Variants in PTPRD observed in about 807,000 individuals in gnomAD.
The protein encoded by PTPRD is receptor-type tyrosine-protein phosphatase delta.
A neutral mutation model predicts 214.5 loss-of-function variants in PTPRD; 34 were observed. The ratio of observed to expected loss-of-function variants is 0.16; its 90% CI spans 0.12 to 0.21. The LOEUF (loss-of-function observed/expected upper bound fraction) is 0.21. PTPRD is among the 10% of genes least tolerant of loss of function. PTPRD has a pLI of 1.00. For synonymous variants in PTPRD, 1,128 were observed against 845.7 expected (o/e 1.33, Z -5.79); for missense variants, 2,545 against 2,398.7 (o/e 1.06, Z -1.27).
chr9:10,157,533 A>T (rs141284677), intron 3 of PTPRD, among the ~76,000 whole-genome samples: 1,614 of 152,236 alleles, frequency 0.011, 27 homozygotes, highest in African/African-American at 0.036. Context: ...TTTGTAGGTA[A>T]CTGGACCTTT....
chr9:10,499,415 T>G (rs906028975), intron 2 of PTPRD, among the ~76,000 whole-genome samples: 3 of 151,936 alleles, frequency 2.0e-5, no homozygotes, highest in Admixed American at 6.6e-5. Context: ...ACCATCTTTT[T>G]TGTATCTGCC....
rs929887732 is a variant in PTPRD at position 10,166,148 on chromosome 9, C to T, written c.-544-132358G>A. Among the ~76,000 whole-genome samples, 7 of 148,032 alleles carry T rather than the reference C, an allele frequency of 4.7e-5. No individual in the cohort carries two copies. In the East Asian group the frequency reaches 9.9e-4, roughly 21 times the overall value. ...ATACATAAACCTATGTTTTAAAATACGTATCCATAATATACATCTCTAATA... is the reference window on the plus strand; with the variant it reads ...ATACATAAACCTATGTTTTAAAATATGTATCCATAATATACATCTCTAATA... On this transcript the variant is annotated intron_variant, in intron 3 of 45. Transcript: ENST00000381196.
intron 9 of PTPRD, among the ~76,000 whole-genome samples, chr9:9,367,165 C>T (rs1215495612): frequency 6.6e-6 from 1 of 151,226 alleles, no homozygotes; most frequent in Non-Finnish European, 1.5e-5. Context: ...CATATTTATG[C>T]TAAAATTTAT....
intron 39 of PTPRD, among the ~76,000 whole-genome samples, chr9:8,370,784 T>C (rs1407935600): frequency 1.3e-5 from 2 of 151,896 alleles, no homozygotes; most frequent in East Asian, 3.9e-4. Context: ...GGACCTAAAG[T>C]CTGGAGAATC....
At chr9:8,641,205 T>C (rs1195518886) in intron 12 of PTPRD, among the ~76,000 whole-genome samples, 2 of 148,374 alleles carry the variant, frequency 1.3e-5, no homozygotes, top group East Asian at 3.9e-4. Context: ...AAAACAAGGG[T>C]ATCTACTAAA....
At chr9:9,216,013 CT>C (rs889684166) in intron 9 of PTPRD, among the ~76,000 whole-genome samples, 4 of 152,124 alleles carry the variant, frequency 2.6e-5, no homozygotes, top group African/African-American at 9.7e-5. Flanking sequence ...ATTGGCAGTA[CT>C]TGCTGTGTGG....
intron 12 of PTPRD, among the ~76,000 whole-genome samples, chr9:8,650,019 G>A (rs950262123): frequency 6.6e-6 from 1 of 152,100 alleles, no homozygotes; most frequent in Admixed American, 6.5e-5. Flanking sequence ...CTGGGCTCAA[G>A]CCATCCTCCC....
chr9:10,075,077 A>T (rs2098111670), intron 3 of PTPRD, among the ~76,000 whole-genome samples: 1 of 152,122 alleles, frequency 6.6e-6, no homozygotes, highest in South Asian at 2.1e-4. Context: ...TAAGTTATTG[A>T]TGCAAATATT....
At chr9:10,387,399 G>A (rs2097937861) in intron 2 of PTPRD, among the ~76,000 whole-genome samples, 1 of 151,764 alleles carries the variant, frequency 6.6e-6, no homozygotes, top group South Asian at 2.1e-4. Flanking sequence ...GGCTTTACTG[G>A]GGAAATGTGT....
intron 2 of PTPRD, among the ~76,000 whole-genome samples, chr9:10,405,505 T>C (rs74760705): frequency 0.02 from 2,633 of 133,898 alleles, 65 homozygotes; most frequent in African/African-American, 0.065. Flanking sequence ...ATATATAGAA[T>C]ATGATTAATT....
At chr9:10,014,575 T>G (rs2096663145) in intron 4 of PTPRD, among the ~76,000 whole-genome samples, 1 of 152,038 alleles carries the variant, frequency 6.6e-6, no homozygotes, top group South Asian at 2.1e-4. Context: ...TACATGTCAT[T>G]AACACTTTCA....
chr9:8,581,913 C>CAAAAAAAAAAAAAAAAAAAAAAAAAAAAA (rs36007156), intron 14 of PTPRD, among the ~76,000 whole-genome samples: 1 of 34,970 alleles, frequency 2.9e-5, no homozygotes, highest in African/African-American at 8.2e-5. Context: ...ACTCAATCTC[C>CAAAAAAAAAAAAAAAAAAAAAAAAAAAAA]AAAAAAAAAA....
At chr9:9,536,131 T>TG (rs909195881) in intron 8 of PTPRD, among the ~76,000 whole-genome samples, 86 of 152,168 alleles carry the variant, frequency 5.7e-4, no homozygotes, top group Middle Eastern at 3.4e-3. Context: ...TCAAGATAAT[T>TG]GCTTTTTGTG....
chr9:8,770,561 AACTG>A (rs1375729590), intron 11 of PTPRD, among the ~76,000 whole-genome samples: 2 of 152,208 alleles, frequency 1.3e-5, no homozygotes, highest in Non-Finnish European at 2.9e-5. Flanking sequence ...CCCTCTAGGA[AACTG>A]ACTGAGAAGC....
chr9:8,447,721 T>C (rs980477715), intron 34 of PTPRD, among the ~76,000 whole-genome samples: 28 of 152,128 alleles, frequency 1.8e-4, no homozygotes, highest in African/African-American at 5.8e-4. Flanking sequence ...CTCCCTTCTT[T>C]TGGGGGTACC....
chr9:10,403,347 A>G (rs2098307364), intron 2 of PTPRD, among the ~76,000 whole-genome samples: 1 of 149,250 alleles, frequency 6.7e-6, no homozygotes, highest in South Asian at 2.1e-4. Flanking sequence ...AAGTACACAG[A>G]AAGGATAAGT....
At chr9:9,774,837 T>C (rs1374005919) in intron 5 of PTPRD, among the ~76,000 whole-genome samples, 1 of 152,156 alleles carries the variant, frequency 6.6e-6, no homozygotes, top group Non-Finnish European at 1.5e-5. Context: ...TCCAGGAGGG[T>C]TAATCGTTAT....
At chr9:9,785,107 A>G (rs1401428099) in intron 5 of PTPRD, among the ~76,000 whole-genome samples, 3 of 151,846 alleles carry the variant, frequency 2.0e-5, no homozygotes, top group African/African-American at 7.2e-5. Context: ...AAAAATATGA[A>G]ATTGTATATT....
At chr9:8,502,393 G>A (rs1223339522) in intron 23 of PTPRD, among the ~76,000 whole-genome samples, 2 of 151,952 alleles carry the variant, frequency 1.3e-5, no homozygotes, top group Non-Finnish European at 2.9e-5. Flanking sequence ...TTAACATTAC[G>A]GAGTGCCAGG....
Sources: gnomAD v4.1 joint callset for allele counts (sites outside exome capture counted in the v4.1 genomes callset) on GRCh38, gnomAD v4.1.1 for gene constraint, MANE v1.5 for transcripts, NCBI Gene and HGNC (gene_info 2026-07-23, HGNC 2026-07-21) for gene names.